The following CPT2 variants were observed in gnomAD, a reference collection of about 807,000 sequenced individuals.
CPT2 encodes carnitine O-palmitoyltransferase 2, mitochondrial.
CPT2 carries 37 observed loss-of-function variants against 48.6 expected under a neutral mutation model. That is an observed-to-expected ratio of 0.76 (90% CI 0.59 to 1.00). The LOEUF (loss-of-function observed/expected upper bound fraction) is 1.00, where lower values mean the gene tolerates loss of function less well. Ranked by LOEUF, CPT2 falls within the 50% of genes least tolerant of loss-of-function variation. The pLI is 0.00. For synonymous variants in CPT2, 319 were observed against 326.9 expected (o/e 0.98, Z 0.26); for missense variants, 772 against 825.6 (o/e 0.94, Z 0.80).
Position 53,210,175 on chromosome 1 carries a change from GGC to G in CPT2, c.502_503del (p.Ala168TrpfsTer16). 1.2e-6 allele frequency: 2 copies of G among 1,614,072 alleles called. No homozygotes were observed. The highest frequency in any genetic ancestry group is 1.7e-5 in the Admixed American group (1 of 59,998). On this transcript the variant is annotated frameshift_variant, in exon 4 of 5. Coordinates refer to ENST00000371486, the MANE Select transcript of CPT2 (RefSeq NM_000098.3). LOFTEE classifies it high-confidence loss of function. ...CCATCCGGTTTCTGAAGACACTCCG[GGC>G]TGGCCTTCTGGAGCCAGAAGTGTTC... is the stretch of plus-strand genomic sequence containing the variant. The part of the protein sequence containing the change: ...SAIRFLKTLR[A>X]GLLEPEVFHL...
chr1:53,202,404 G>A lies in CPT2; in HGVS notation c.315G>A (p.Gln105=). Reference sequence around the variant, plus strand: ...AGCAGCTGGTTGCTCTGGACAAACAGAATAAACATACAAGCTACATTTCGG... The same window carrying A: ...AGCAGCTGGTTGCTCTGGACAAACAAAATAAACATACAAGCTACATTTCGG... The part of the protein sequence containing the change: ...LHEQLVALDK[Q]NKHTSYISGP... Residue 105 remains glutamine, a synonymous_variant, in exon 3 of 5, where the codon CAG becomes CAA. Transcript: ENST00000371486. 6.2e-7 allele frequency: 1 copy of A among 1,614,064 alleles called. No homozygotes were observed. Among genetic ancestry groups the A allele is most frequent in the South Asian group, 1.1e-5 (1 of 91,084 alleles).
intron 1 of CPT2, among the ~76,000 whole-genome samples, chr1:53,198,053 C>A (rs1208997948): frequency 1.3e-5 from 2 of 152,186 alleles, no homozygotes; most frequent in Admixed American, 1.3e-4. Flanking sequence ...TTCCAGCCTT[C>A]GAACTCCGCT....
At chr1:53,212,304 C>T (rs1645434351) in intron 4 of CPT2, among the ~76,000 whole-genome samples, 1 of 152,140 alleles carries the variant, frequency 6.6e-6, no homozygotes, top group Admixed American at 6.5e-5. Context: ...ACCTCATGAT[C>T]TACCCGCCTC....
chr1:53,206,498 C>T (rs535274994), intron 3 of CPT2, among the ~76,000 whole-genome samples: 2 of 152,340 alleles, frequency 1.3e-5, no homozygotes, highest in African/African-American at 4.8e-5. Context: ...TGGGGCTGTA[C>T]TCTGCAGAGC....
chr1:53,200,888 G>C, intron 2 of CPT2, 89 bp downstream of exon 2: 1 of 1,050,840 alleles, frequency 9.5e-7, no homozygotes, highest in Non-Finnish European at 1.5e-6. Context: ...GGGAATGTCT[G>C]TGACGTGGCT....
chr1:53,201,059 G>A (rs949178067), intron 2 of CPT2: 77 of 503,538 alleles, frequency 1.5e-4, no homozygotes, highest in African/African-American at 1.4e-3. Flanking sequence ...CTTAGCAGGT[G>A]TACCTGGGAG....
chr1:53,200,878 G>T, intron 2 of CPT2, 79 bp downstream of exon 2: 1 of 1,132,952 alleles, frequency 8.8e-7, no homozygotes. Context: ...CCAAGCTTCA[G>T]GGAATGTCTG....
Position 53,200,809 on chromosome 1 carries a change from G to A in CPT2, c.233+10G>A. 6.2e-7 allele frequency: 1 copy of A among 1,606,428 alleles called. No individual in the cohort carries two copies. Among genetic ancestry groups the A allele is most frequent in the Non-Finnish European group, 8.5e-7 (1 of 1,173,026 alleles). On this transcript the variant is annotated intron_variant, in intron 2 of 4. Coordinates refer to ENST00000371486, the MANE Select transcript of CPT2 (RefSeq NM_000098.3). ...ATGATGGCCAGTTCAGGTAAACACTGAGAACCTTGGGTGAGCATAGTTGGG... is the reference window on the plus strand; with the variant it reads ...ATGATGGCCAGTTCAGGTAAACACTAAGAACCTTGGGTGAGCATAGTTGGG...
intron 2 of CPT2, 44 bp from the exon 3 acceptor site, chr1:53,202,279 A>G (rs1366837030): frequency 1.3e-6 from 2 of 1,491,328 alleles, no homozygotes; most frequent in Non-Finnish European, 1.9e-6. Flanking sequence ...AAAATCATGT[A>G]TTCCCTACCA....
At chr1:53,206,178 AT>A (rs1645388248) in intron 3 of CPT2, among the ~76,000 whole-genome samples, 1 of 136,144 alleles carries the variant, frequency 7.3e-6, no homozygotes, top group East Asian at 2.2e-4. Context: ...GCAAGACTCC[AT>A]TTCAAAAAAA....
chr1:53,212,156 C>T (rs914117520), intron 4 of CPT2, among the ~76,000 whole-genome samples: 1 of 151,826 alleles, frequency 6.6e-6, no homozygotes, highest in African/African-American at 2.4e-5. Context: ...CCTCTGCCTC[C>T]TGGGTTCAAG....
Position 53,200,517 on chromosome 1 carries a change from T to C in CPT2, c.153-202T>C, listed in dbSNP as rs1645347927. 5.5e-6 allele frequency: 3 copies of C among 543,670 alleles called. No individual in the cohort carries two copies. In the South Asian group the frequency reaches 6.6e-5, roughly 12 times the overall value. The allele number at this position is 543,670 out of a possible 1,614,324, so 33.7% of individuals were successfully genotyped here. ...TATATTTGTATTTTACTTAAAGATTTAGTTGTTATTTTACTTAAAAGTAGA... is the reference window on the plus strand; with the variant it reads ...TATATTTGTATTTTACTTAAAGATTCAGTTGTTATTTTACTTAAAAGTAGA... On this transcript the variant is annotated intron_variant, in intron 1 of 4. Coordinates refer to ENST00000371486, the MANE Select transcript of CPT2 (RefSeq NM_000098.3).
intron 2 of CPT2, chr1:53,201,926 GT>G: frequency 4.1e-6 from 1 of 246,670 alleles, no homozygotes; most frequent in Non-Finnish European, 8.0e-6. Context: ...TTGTAAAGTG[GT>G]ATTATTATCC....
chr1:53,210,073 A>G lies in CPT2; in HGVS notation c.399A>G (p.Pro133=), dbSNP rs375573986. The G allele has an allele frequency of 3.5e-5, 56 of 1,614,034 alleles. No homozygotes were observed. The African/African-American group carries it at 5.3e-4, about 15-fold the overall frequency. The change falls in exon 4 of 5, where the codon CCA becomes CCG. Residue 133 remains proline (P), a synonymous_variant. Coordinates refer to ENST00000371486, the MANE Select transcript of CPT2 (RefSeq NM_000098.3). ...ACTCCGTTGTTCTGAACTTTAATCC[A>G]TTTATGGCTTTCAATCCTGACCCAA... ...ARDSVVLNFN[P]FMAFNPDPKS...
At chr1:53,202,519 T>G in intron 3 of CPT2, 90 bp downstream of exon 3, 1 of 1,112,796 alleles carries the variant, frequency 9.0e-7, no homozygotes, top group Non-Finnish European at 1.4e-6. Flanking sequence ...GTCTCAGAGA[T>G]ATTTTTGGTG....
chr1:53,197,628 C>T (rs1022436260), intron 1 of CPT2: 1 of 218,462 alleles, frequency 4.6e-6, no homozygotes, highest in East Asian at 1.6e-4. Context: ...TGTTCTTTCA[C>T]CCCCCATGAG....
At chr1:53,203,356 C>T (rs1031522083) in intron 3 of CPT2, 2 of 152,184 alleles carry the variant, frequency 1.3e-5, no homozygotes, top group African/African-American at 2.4e-5. Context: ...AACTCAGTAT[C>T]TAGTTTTATG....
At chr1:53,205,378 C>CAAAACAA (rs772205220) in intron 3 of CPT2, among the ~76,000 whole-genome samples, 109 of 152,246 alleles carry the variant, frequency 7.2e-4, no homozygotes, top group Middle Eastern at 3.4e-3. Context: ...TTCTAAGCAA[C>CAAAACAA]AAAGCATTCA....
chr1:53,205,277 C>T (rs1645380256), intron 3 of CPT2, among the ~76,000 whole-genome samples: 1 of 152,178 alleles, frequency 6.6e-6, no homozygotes. Context: ...TGTGCTTTAG[C>T]AGAGAGACTG....
Sources: allele counts gnomAD v4.1 joint callset (sites outside exome capture counted in the v4.1 genomes callset), GRCh38; gene constraint gnomAD v4.1.1; transcripts MANE v1.5; gene names NCBI Gene and HGNC (gene_info 2026-07-23, HGNC 2026-07-21).